ZNF292: variants seen among roughly 807,000 people sequenced by gnomAD.
ZNF292 encodes zinc finger protein 292, also known as 16 zinc-finger domain protein.
Under a neutral mutation model 217.9 loss-of-function variants are expected in ZNF292, and 26 were observed. The observed-to-expected ratio is 0.12, with a 90% CI of 0.09 to 0.17. ZNF292 has a LOEUF of 0.17. ZNF292 is among the 10% of genes least tolerant of loss of function. The pLI, the probability that ZNF292 is intolerant of heterozygous loss-of-function variation, is 1.00. For synonymous variants in ZNF292, 1,257 were observed against 1,124.1 expected, an observed-to-expected ratio of 1.12 and a Z score of -2.37; for missense variants, 2,904 against 3,175.2, an observed-to-expected ratio of 0.91 and a Z score of 2.05.
rs752301664 is a variant in ZNF292 at position 87,155,708 on chromosome 6, C to G, written c.117C>G (p.Ser39Arg). The change falls in exon 1 of 8, where the codon AGC becomes AGG. Residue 39 changes from serine (S) to arginine (R), a missense_variant. By Grantham distance (110) the Ser-to-Arg change is moderately radical. Around this residue, in one of 15 missense-constraint regions of ZNF292, gnomAD observed 313 missense variants for 451.0 expected, o/e 0.69. Transcript: ENST00000369577. ...LQELELQLRESRVPAVEAATD... is the reference protein window; with the variant it reads ...LQELELQLRERRVPAVEAATD... ...AGCTGGAGCTACAGCTGCGGGAGAG[C>G]CGGGTACCGGCCGTGGAAGCGGCCA... 7.5e-6 allele frequency: 12 copies of G among 1,596,976 alleles called. No homozygotes were observed. Among genetic ancestry groups the G allele is most frequent in the South Asian group, 2.3e-5 (2 of 88,360 alleles).
At chr6:87,235,206 G>A (rs1177357387) in intron 5 of ZNF292, among the ~76,000 whole-genome samples, 1 of 147,694 alleles carries the variant, frequency 6.8e-6, no homozygotes, top group African/African-American at 2.6e-5. Context: ...ATTTGCAGAT[G>A]TATAAAATTT....
intron 4 of ZNF292, among the ~76,000 whole-genome samples, chr6:87,227,905 T>C (rs1051268430): frequency 6.6e-6 from 1 of 152,226 alleles, no homozygotes; most frequent in Non-Finnish European, 1.5e-5. Flanking sequence ...ACTATAAACA[T>C]GGGCATACAA....
At chr6:87,254,571 C>A (rs1448370241) in intron 7 of ZNF292, 79 bp from the exon 8 acceptor site, 4 of 1,368,038 alleles carry the variant, frequency 2.9e-6, no homozygotes, top group Non-Finnish European at 3.0e-6. Context: ...AAACAAATCT[C>A]AATCTTAACT....
At chr6:87,212,562 T>A (rs1003993808) in intron 1 of ZNF292, among the ~76,000 whole-genome samples, 4 of 152,216 alleles carry the variant, frequency 2.6e-5, no homozygotes, top group Admixed American at 6.5e-5. Context: ...AGCTTTGTGC[T>A]AAGAACCTAG....
chr6:87,226,607 A>G (rs908456975), intron 4 of ZNF292, among the ~76,000 whole-genome samples: 3 of 148,756 alleles, frequency 2.0e-5, no homozygotes, highest in African/African-American at 2.4e-5. Context: ...CTCCTAGACA[A>G]GGACATTATT....
chr6:87,199,028 AG>A, intron 1 of ZNF292, among the ~76,000 whole-genome samples: 1 of 152,334 alleles, frequency 6.6e-6, no homozygotes, highest in South Asian at 2.1e-4. Flanking sequence ...GTGGATTGCT[AG>A]GAGTTGAATT....
At chr6:87,163,462 A>C (rs570675637) in intron 1 of ZNF292, among the ~76,000 whole-genome samples, 5 of 151,608 alleles carry the variant, frequency 3.3e-5, no homozygotes, top group South Asian at 4.2e-4. Flanking sequence ...AAAAAAAAAA[A>C]CCCCAAAAAA....
intron 1 of ZNF292, among the ~76,000 whole-genome samples, chr6:87,182,038 C>A (rs368148579): frequency 5.9e-5 from 9 of 152,066 alleles, no homozygotes; most frequent in African/African-American, 1.9e-4. Context: ...TACATATTAT[C>A]CTTGTGCTTG....
chr6:87,260,610 A>C lies in ZNF292; in HGVS notation c.6981A>C (p.Gly2327=). 6.2e-7 allele frequency: 1 copy of C among 1,613,160 alleles called. No individual in the cohort carries two copies. The highest frequency in any genetic ancestry group is 8.5e-7 in the Non-Finnish European group (1 of 1,179,670). ...GTKHSRCGKE[G]IKMPKTKRKK... Reference sequence around the variant, plus strand: ...AGCACAGCAGATGTGGAAAGGAAGGAATAAAAATGCCCAAGACCAAACGAA... The same window carrying C: ...AGCACAGCAGATGTGGAAAGGAAGGCATAAAAATGCCCAAGACCAAACGAA... The change falls in exon 8 of 8, where the codon GGA becomes GGC. Residue 2327 remains glycine, a synonymous_variant. Transcript: ENST00000369577.
intron 1 of ZNF292, among the ~76,000 whole-genome samples, chr6:87,177,325 C>CA (rs200520906): frequency 0.18 from 21,822 of 121,350 alleles, 1,734 homozygotes; most frequent in Middle Eastern, 0.28. Flanking sequence ...AACTCCATCT[C>CA]AAAAAAAAAA....
chr6:87,210,021 C>A (rs181374975), intron 1 of ZNF292, among the ~76,000 whole-genome samples: 1 of 152,180 alleles, frequency 6.6e-6, no homozygotes, highest in African/African-American at 2.4e-5. Flanking sequence ...GTAATTTAAT[C>A]CCCATGTTTA....
At chr6:87,238,316 G>A (rs76250934) in intron 5 of ZNF292, among the ~76,000 whole-genome samples, 1,586 of 151,952 alleles carry the variant, frequency 0.01, 29 homozygotes, top group African/African-American at 0.035. Flanking sequence ...GTGAAACCCC[G>A]TCTCTACGAA....
chr6:87,219,697 G>A (rs1291878554), intron 4 of ZNF292, among the ~76,000 whole-genome samples: 1 of 152,128 alleles, frequency 6.6e-6, no homozygotes, highest in Admixed American at 6.5e-5. Flanking sequence ...TTCTAGCAGT[G>A]TACTTGTTTC....
In ZNF292 at chr6:87,256,263, T is replaced by A. The variant is rs200358960; in HGVS notation, c.2634T>A (p.Ile878=). Residue 878 remains isoleucine (I), a synonymous_variant, in exon 8 of 8, where the codon ATT becomes ATA. Transcript: ENST00000369577. ...ERSMLPSENN[I]ENSLLADRSD... Reference sequence around the variant, plus strand: ...CTATGCTTCCTTCAGAAAATAACATTGAAAACAGCTTACTAGCAGATAGAA... The same window carrying A: ...CTATGCTTCCTTCAGAAAATAACATAGAAAACAGCTTACTAGCAGATAGAA... 6.2e-7 allele frequency: 1 copy of A among 1,613,816 alleles called. No homozygotes were observed. Among genetic ancestry groups the A allele is most frequent in the African/African-American group, 1.3e-5 (1 of 75,032 alleles).
chr6:87,214,894 C>G (rs1772665552), intron 1 of ZNF292: 1 of 151,372 alleles, frequency 6.6e-6, no homozygotes, highest in South Asian at 2.1e-4. Context: ...AGAATACAAT[C>G]CCCCCCACCC....
At chr6:87,186,553 C>T (rs894270816) in intron 1 of ZNF292, among the ~76,000 whole-genome samples, 16 of 152,100 alleles carry the variant, frequency 1.1e-4, no homozygotes, top group African/African-American at 3.6e-4. Flanking sequence ...ATGGATGTGC[C>T]TTAAGTAAAT....
At chr6:87,233,742 C>A in intron 5 of ZNF292, 2 of 727,286 alleles carry the variant, frequency 2.7e-6, no homozygotes, top group Non-Finnish European at 3.4e-6. Context: ...AAATAATATA[C>A]ATCTTTTAAA....
chr6:87,239,443 GC>G lies in ZNF292; in HGVS notation c.742-4026del, dbSNP rs1330644596. 2.7e-5 allele frequency among the ~76,000 whole-genome samples: 4 copies of G among 146,234 alleles called. No homozygotes were observed. In the East Asian group the frequency reaches 7.8e-4, roughly 29 times the overall value. On this transcript the variant is annotated intron_variant, in intron 5 of 7. Coordinates refer to ENST00000369577, the MANE Select transcript of ZNF292 (RefSeq NM_015021.3). ...CGGGGTGGCTGGCCGGGCGGGGGCT[GC>G]CCCCCACCTACCTCCCGGATGGGGC...
chr6:87,219,177 G>A (rs1000048723), intron 4 of ZNF292, among the ~76,000 whole-genome samples: 44 of 152,106 alleles, frequency 2.9e-4, no homozygotes, highest in Admixed American at 1.4e-3. Flanking sequence ...TATCCCCTGC[G>A]TTTTTCTTTT....
Sources: allele counts gnomAD v4.1 joint callset (sites outside exome capture counted in the v4.1 genomes callset), GRCh38; gene constraint gnomAD v4.1.1; regional missense constraint gnomAD v4.1.1; transcripts MANE v1.5; gene names NCBI Gene and HGNC (gene_info 2026-07-23, HGNC 2026-07-21).